The following EEIG2 variants were observed in gnomAD, a reference collection of about 807,000 sequenced individuals.
EEIG2 encodes the protein EEIG family member 2, also known as family with sequence similarity 102 member B.
chr1:108,598,591 C>G, the EEIG2 span, among the ~76,000 whole-genome samples: 1 of 151,982 alleles, frequency 6.6e-6, no homozygotes, highest in African/African-American at 2.4e-5. Context: ...TGTGAACCCA[C>G]ACATACATTC....
chr1:108,572,412 T>G, the EEIG2 span, among the ~76,000 whole-genome samples: 3 of 152,182 alleles, frequency 2.0e-5, no homozygotes, highest in African/African-American at 4.8e-5. Context: ...GAACCTACAT[T>G]GACACATCAT....
chr1:108,627,204 G>A, the EEIG2 span: 1 of 152,158 alleles, frequency 6.6e-6, no homozygotes, highest in Non-Finnish European at 1.5e-5. Context: ...CCAACTTTTT[G>A]AGTTCAGATT....
the EEIG2 span, among the ~76,000 whole-genome samples, chr1:108,610,148 G>GGTTTT: frequency 1.8e-4 from 27 of 152,306 alleles, no homozygotes; most frequent in Non-Finnish European, 2.6e-4. Flanking sequence ...CAAAGGGTGA[G>GGTTTT]GTTTTGTTTT....
At chr1:108,565,747 A>G in the EEIG2 span, among the ~76,000 whole-genome samples, 1 of 152,300 alleles carries the variant, frequency 6.6e-6, no homozygotes, top group African/African-American at 2.4e-5. Context: ...TTTACTCTAA[A>G]CAAGCGGAAA....
At chr1:108,600,705 A>G in the EEIG2 span, 1 of 1,590,774 alleles carries the variant, frequency 6.3e-7, no homozygotes, top group South Asian at 1.1e-5. Context: ...ATAGCCTATT[A>G]CTTCTTCCCT....
the EEIG2 span, among the ~76,000 whole-genome samples, chr1:108,586,147 C>A: frequency 6.6e-6 from 1 of 152,082 alleles, no homozygotes; most frequent in South Asian, 2.1e-4. Flanking sequence ...CCCTTACTCT[C>A]AGTAGCTTTC....
the EEIG2 span, among the ~76,000 whole-genome samples, chr1:108,599,797 G>T: frequency 6.6e-6 from 1 of 152,200 alleles, no homozygotes; most frequent in Non-Finnish European, 1.5e-5. Flanking sequence ...TTCAAGACCA[G>T]CCTGGACAAC....
chr1:108,566,471 G>C, the EEIG2 span, among the ~76,000 whole-genome samples: 8 of 152,250 alleles, frequency 5.3e-5, no homozygotes, highest in East Asian at 1.5e-3. Flanking sequence ...AGAAAGTACT[G>C]TCTGACCATA....
At chr1:108,563,646 C>A in the EEIG2 span, among the ~76,000 whole-genome samples, 1 of 152,108 alleles carries the variant, frequency 6.6e-6, no homozygotes, top group South Asian at 2.1e-4. Flanking sequence ...CTTTGTACAA[C>A]AACTAAACAT....
chr1:108,628,461 T>A, the EEIG2 span: 1 of 1,614,062 alleles, frequency 6.2e-7, no homozygotes, highest in Non-Finnish European at 8.5e-7. Context: ...AATACCTCAG[T>A]GGGAAGCACA....
chr1:108,603,399 T>C, the EEIG2 span, among the ~76,000 whole-genome samples: 66 of 152,050 alleles, frequency 4.3e-4, no homozygotes, highest in Non-Finnish European at 8.2e-4. Flanking sequence ...TGGGACTCAC[T>C]CTCTGAGAGT....
At chr1:108,622,592 A>G in the EEIG2 span, among the ~76,000 whole-genome samples, 5 of 152,344 alleles carry the variant, frequency 3.3e-5, no homozygotes, top group South Asian at 6.2e-4. Flanking sequence ...TACAAGAAGA[A>G]AACAGTTTTG....
the EEIG2 span, chr1:108,560,544 G>A: frequency 1.1e-5 from 18 of 1,611,020 alleles, no homozygotes; most frequent in East Asian, 1.3e-4. Context: ...GACGGCGGCA[G>A]CTTCACCGCC....
the EEIG2 span, among the ~76,000 whole-genome samples, chr1:108,583,153 C>G: frequency 6.6e-6 from 1 of 151,470 alleles, no homozygotes; most frequent in African/African-American, 2.4e-5. Context: ...TTTATGCTGC[C>G]TTTTGTTTTT....
At chr1:108,635,705 A>T in the EEIG2 span, 2 of 152,378 alleles carry the variant, frequency 1.3e-5, no homozygotes, top group Admixed American at 1.3e-4. Context: ...CAATTTAAAC[A>T]TGTGATGTGC....
At chr1:108,588,267 A>AT in the EEIG2 span, among the ~76,000 whole-genome samples, 2 of 152,024 alleles carry the variant, frequency 1.3e-5, no homozygotes, top group African/African-American at 2.4e-5. Context: ...GCTATTTTTT[A>AT]TTTTTTGAGG....
the EEIG2 span, among the ~76,000 whole-genome samples, chr1:108,573,054 T>C: frequency 2.6e-5 from 4 of 152,248 alleles, no homozygotes; most frequent in Admixed American, 1.3e-4. Flanking sequence ...AAAGTTGCCA[T>C]ACATTTGTGT....
At chr1:108,608,725 A>G in the EEIG2 span, among the ~76,000 whole-genome samples, 3 of 152,314 alleles carry the variant, frequency 2.0e-5, no homozygotes, top group Non-Finnish European at 4.4e-5. Flanking sequence ...ACCTTTTAAT[A>G]TACTTTTTAA....
the EEIG2 span, among the ~76,000 whole-genome samples, chr1:108,614,768 C>T: frequency 6.6e-6 from 1 of 152,178 alleles, no homozygotes; most frequent in Non-Finnish European, 1.5e-5. Context: ...TATAAAGAAA[C>T]AGCTCCACTG....
Sources: gnomAD v4.1 joint callset for allele counts (sites outside exome capture counted in the v4.1 genomes callset) on GRCh38, gnomAD v4.1.1 for gene constraint, MANE v1.5 for transcripts, NCBI Gene and HGNC (gene_info 2026-07-23, HGNC 2026-07-21) for gene names.